Variants in UNC5C observed in about 807,000 individuals in gnomAD.
UNC5C encodes the protein netrin receptor UNC5C.
In UNC5C, 47 loss-of-function variants were observed where a neutral mutation model predicts 99.8. The observed-to-expected ratio is 0.47, with a 90% CI of 0.37 to 0.60. UNC5C has a LOEUF of 0.60. Ranked by LOEUF, UNC5C falls within the 20% of genes least tolerant of loss-of-function variation. UNC5C has a pLI of 0.00. For synonymous variants in UNC5C, 487 were observed against 452.2 expected (o/e 1.08, Z -0.98); for missense variants, 1,062 against 1,165.9 (o/e 0.91, Z 1.30).
At chr4:95,331,028 A>G (rs1045163148) in intron 2 of UNC5C, among the ~76,000 whole-genome samples, 1 of 152,068 alleles carries the variant, frequency 6.6e-6, no homozygotes, top group African/African-American at 2.4e-5. Flanking sequence ...CCACATGTAC[A>G]CATTATTTAG....
At chr4:95,176,629 C>T (rs893639965) in intron 14 of UNC5C, among the ~76,000 whole-genome samples, 27 of 152,158 alleles carry the variant, frequency 1.8e-4, no homozygotes, top group Non-Finnish European at 3.8e-4. Flanking sequence ...GCTGGGAGAA[C>T]CACTGCTCTC....
At chr4:95,417,943 A>T (rs1488998266) in intron 1 of UNC5C, among the ~76,000 whole-genome samples, 2 of 152,214 alleles carry the variant, frequency 1.3e-5, no homozygotes, top group Non-Finnish European at 2.9e-5. Flanking sequence ...CCCTCTGAGC[A>T]TCAGTTAGAC....
At chr4:95,399,289 C>T (rs1745616762) in intron 1 of UNC5C, among the ~76,000 whole-genome samples, 1 of 152,190 alleles carries the variant, frequency 6.6e-6, no homozygotes, top group African/African-American at 2.4e-5. Flanking sequence ...TTAATTTCGG[C>T]AGTGTCTTCC....
intron 1 of UNC5C, among the ~76,000 whole-genome samples, chr4:95,369,534 C>T (rs575679352): frequency 1.9e-4 from 29 of 152,106 alleles, no homozygotes; most frequent in African/African-American, 6.7e-4. Flanking sequence ...CCAAGCTGAA[C>T]GACAAAGTGA....
At chr4:95,289,562 AT>A (rs201971824) in intron 3 of UNC5C, among the ~76,000 whole-genome samples, 2 of 152,024 alleles carry the variant, frequency 1.3e-5, no homozygotes, top group Non-Finnish European at 2.9e-5. Context: ...ACATTCTAAT[AT>A]TTTTTTAAAA....
At chr4:95,182,535 A>T (rs1736654455) in intron 14 of UNC5C, among the ~76,000 whole-genome samples, 1 of 152,100 alleles carries the variant, frequency 6.6e-6, no homozygotes, top group Non-Finnish European at 1.5e-5. Flanking sequence ...CAGATGGAGG[A>T]TGGGGGAACA....
intron 7 of UNC5C, among the ~76,000 whole-genome samples, chr4:95,234,024 T>C (rs59785524): frequency 0.32 from 48,278 of 152,096 alleles, 8,643 homozygotes; most frequent in East Asian, 0.71. Context: ...AAAAGGTAAA[T>C]ATAATATGCT....
Position 95,515,499 on chromosome 4 carries a change from C to G in UNC5C, c.124+33235G>C, listed in dbSNP as rs1045661841. 7.2e-5 allele frequency among the ~76,000 whole-genome samples: 11 copies of G among 152,268 alleles called. 1 individual carries two copies. The highest frequency in any genetic ancestry group is 2.6e-4 in the African/African-American group (11 of 41,558). On this transcript the variant is annotated intron_variant, in intron 1 of 15. Coordinates refer to ENST00000453304, the MANE Select transcript of UNC5C (RefSeq NM_003728.4). ...TGAACTTTAAGGTATTTCTGCTTAACGTATTAGGTTTTCCTTAGTGAGCCT... is the reference window on the plus strand; with the variant it reads ...TGAACTTTAAGGTATTTCTGCTTAAGGTATTAGGTTTTCCTTAGTGAGCCT...
In UNC5C at chr4:95,198,726, T is replaced by C. The variant is rs79698405; in HGVS notation, c.2136+4005A>G. ...ATGAGAAGTACTGGCACATTTCCTCTTGGCCTTGGGGTTTGTTAGGGGTAC... is the reference window on the plus strand; with the variant it reads ...ATGAGAAGTACTGGCACATTTCCTCCTGGCCTTGGGGTTTGTTAGGGGTAC... On this transcript the variant is annotated intron_variant, in intron 12 of 15. Transcript: ENST00000453304. Among the ~76,000 whole-genome samples, 14 of 152,244 alleles carry C rather than the reference T, an allele frequency of 9.2e-5. No individual in the cohort carries two copies. The East Asian group carries it at 2.5e-3, about 27-fold the overall frequency.
intron 1 of UNC5C, among the ~76,000 whole-genome samples, chr4:95,438,564 A>G (rs912591867): frequency 1.3e-5 from 2 of 152,194 alleles, no homozygotes; most frequent in Non-Finnish European, 2.9e-5. Context: ...TTGCTGATAC[A>G]TAGAGATAGC....
chr4:95,319,793 A>ACAG (rs1231402236), intron 2 of UNC5C, among the ~76,000 whole-genome samples: 6 of 152,164 alleles, frequency 3.9e-5, no homozygotes, highest in Admixed American at 2.0e-4. Context: ...TGTGTTTTCA[A>ACAG]AGATGCCAAA....
chr4:95,222,138 A>C, intron 7 of UNC5C: 2 of 1,117,224 alleles, frequency 1.8e-6, no homozygotes. Context: ...ATCCGAAGAA[A>C]GGTAAACTTG....
chr4:95,254,297 C>G (rs1204118792), intron 4 of UNC5C, among the ~76,000 whole-genome samples: 2 of 152,158 alleles, frequency 1.3e-5, no homozygotes, highest in African/African-American at 4.8e-5. Flanking sequence ...GTTCCATGAC[C>G]CTCCATCCTG....
intron 1 of UNC5C, among the ~76,000 whole-genome samples, chr4:95,476,279 A>C (rs922852536): frequency 6.6e-6 from 1 of 151,968 alleles, no homozygotes; most frequent in Non-Finnish European, 1.5e-5. Flanking sequence ...TACATGGATT[A>C]GCTTCTCGGT....
chr4:95,172,631 T>C (rs961906154), intron 14 of UNC5C, among the ~76,000 whole-genome samples: 3 of 151,944 alleles, frequency 2.0e-5, no homozygotes, highest in African/African-American at 7.3e-5. Context: ...CATGCTGTTT[T>C]GGTTACTGTA....
chr4:95,467,011 GT>G (rs1009182894), intron 1 of UNC5C, among the ~76,000 whole-genome samples: 2 of 152,068 alleles, frequency 1.3e-5, no homozygotes, highest in African/African-American at 4.8e-5. Flanking sequence ...GAAGCCAGCT[GT>G]CATGTAATGA....
At position 95,335,688 on chromosome 4, in the gene UNC5C, A is replaced by C. The variant is rs1300316482; in HGVS notation, c.125-57T>G. 5 of 1,389,004 alleles carry C rather than the reference A, an allele frequency of 3.6e-6. No homozygotes were observed. The African/African-American group carries it at 5.8e-5, about 16-fold the overall frequency. The allele number at this position is 1,389,004 out of a possible 1,614,324, so 86.0% of individuals were successfully genotyped here. A position where few individuals can be genotyped will look rare whatever the true frequency, so the allele number is the denominator to read the frequency against. ...AACACATTGTAACAACTTGCCTTCT[A>C]CTTGCTAGTCATGTAAAAATAGTGA... On this transcript the variant is annotated intron_variant, in intron 1 of 15. Transcript: ENST00000453304.
At chr4:95,469,244 A>G (rs1195238544) in intron 1 of UNC5C, among the ~76,000 whole-genome samples, 1 of 152,120 alleles carries the variant, frequency 6.6e-6, no homozygotes, top group Admixed American at 6.6e-5. Context: ...GATTTTCTTA[A>G]TGGAGTCTGG....
At chr4:95,452,345 A>G (rs1326302767) in intron 1 of UNC5C, among the ~76,000 whole-genome samples, 1 of 152,150 alleles carries the variant, frequency 6.6e-6, no homozygotes, top group Admixed American at 6.5e-5. Context: ...ATTAAGAGCC[A>G]ATTTTCAGCT....
Sources: gnomAD v4.1 joint callset for allele counts (sites outside exome capture counted in the v4.1 genomes callset) on GRCh38, gnomAD v4.1.1 for gene constraint, MANE v1.5 for transcripts, NCBI Gene and HGNC (gene_info 2026-07-23, HGNC 2026-07-21) for gene names.